The following AFAP1 variants were observed in gnomAD, a reference collection of about 807,000 sequenced individuals.
AFAP1 encodes the protein actin filament-associated protein 1.
A neutral mutation model predicts 93.9 loss-of-function variants in AFAP1; 75 were observed. That is an observed-to-expected ratio of 0.80 (90% CI 0.66 to 0.97). AFAP1 has a LOEUF of 0.97. Ranked by LOEUF, AFAP1 falls within the 50% of genes least tolerant of loss-of-function variation. AFAP1 has a pLI of 0.00. For synonymous variants in AFAP1, 517 were observed against 430.7 expected (o/e 1.20, Z -2.48); for missense variants, 1,201 against 1,050.8 (o/e 1.14, Z -1.98).
chr4:7,772,694 G>A (rs1450938273), intron 16 of AFAP1, 126 bp downstream of exon 16: 8 of 833,118 alleles, frequency 9.6e-6, no homozygotes, highest in African/African-American at 8.6e-5. Context: ...ACTGTCTTCT[G>A]CTGGGCACAC....
At position 7,843,313 on chromosome 4, in the gene AFAP1, C is replaced by T. The variant is rs151138054; in HGVS notation, c.372G>A (p.Ser124=). Residue 124 remains serine (S), a synonymous_variant, in exon 5 of 18, where the codon TCG becomes TCA. Coordinates refer to ENST00000420658, the MANE Select transcript of AFAP1 (RefSeq NM_001134647.2). The part of the protein sequence containing the change: ...DSDAMSSSYE[S]YDEEEEDGKG... Reference sequence around the variant, plus strand: ...TCCCATCCTCCTCCTCTTCATCATACGACTCATAAGAGCTGCTCATCGCAT... The same window carrying T: ...TCCCATCCTCCTCCTCTTCATCATATGACTCATAAGAGCTGCTCATCGCAT... 1.1e-5 allele frequency: 18 copies of T among 1,613,978 alleles called. No homozygotes were observed. Among genetic ancestry groups the T allele is most frequent in the Middle Eastern group, 1.7e-4 (1 of 6,058 alleles).
chr4:7,772,726 C>T (rs561139397), intron 16 of AFAP1, 94 bp downstream of exon 16: 106 of 1,216,096 alleles, frequency 8.7e-5, no homozygotes, highest in Non-Finnish European at 1.1e-4. Context: ...AAGCAAGCTA[C>T]GCCCCAGAGC....
At chr4:7,804,170 A>G (rs900424251) in intron 9 of AFAP1, among the ~76,000 whole-genome samples, 1 of 151,938 alleles carries the variant, frequency 6.6e-6, no homozygotes, top group African/African-American at 2.4e-5. Flanking sequence ...CATGTCCAGG[A>G]AAGGTTACGC....
chr4:7,793,172 T>TA (rs1560161606), intron 11 of AFAP1, among the ~76,000 whole-genome samples: 11 of 131,600 alleles, frequency 8.4e-5, no homozygotes, highest in East Asian at 5.5e-4. Context: ...ATTTTTTTTT[T>TA]TAAAAAAATC....
chr4:7,937,598 T>C (rs558324708), intron 1 of AFAP1, among the ~76,000 whole-genome samples: 4 of 152,172 alleles, frequency 2.6e-5, no homozygotes, highest in Admixed American at 1.3e-4. Context: ...GCTATTCTCC[T>C]GCCTCAGCCT....
At chr4:7,797,491 T>C (rs1186344828) in intron 10 of AFAP1, among the ~76,000 whole-genome samples, 1 of 152,186 alleles carries the variant, frequency 6.6e-6, no homozygotes, top group African/African-American at 2.4e-5. Context: ...CCCGCTATAA[T>C]TCTCTGCTGG....
intron 10 of AFAP1, chr4:7,798,940 A>C (rs1013864016): frequency 1.0e-6 from 1 of 986,778 alleles, no homozygotes; most frequent in African/African-American, 1.7e-5. Context: ...AACCCTTCTC[A>C]GATCTGCTGT....
At chr4:7,879,728 G>A (rs1052743902) in intron 1 of AFAP1, among the ~76,000 whole-genome samples, 3 of 144,100 alleles carry the variant, frequency 2.1e-5, no homozygotes, top group African/African-American at 7.9e-5. Context: ...GTGAGACAGG[G>A]TCTCTCTCTG....
intron 1 of AFAP1, among the ~76,000 whole-genome samples, chr4:7,883,207 A>AGAG (rs1411353844): frequency 1.3e-5 from 2 of 150,360 alleles, no homozygotes; most frequent in Admixed American, 1.3e-4. Flanking sequence ...AAAAAAAAAA[A>AGAG]GAGGAGGAGG....
At chr4:7,842,145 C>T (rs570837984) in intron 5 of AFAP1, among the ~76,000 whole-genome samples, 26 of 151,932 alleles carry the variant, frequency 1.7e-4, no homozygotes, top group African/African-American at 5.8e-4. Context: ...ATTTTTGGCA[C>T]ATTCTAAATC....
intron 4 of AFAP1, among the ~76,000 whole-genome samples, chr4:7,850,799 G>A (rs112158850): frequency 2.2e-4 from 33 of 152,370 alleles, no homozygotes; most frequent in African/African-American, 7.2e-4. Flanking sequence ...TCCGCATCTT[G>A]TGCGGGTCAC....
At chr4:7,875,560 A>C (rs2149190130) in intron 1 of AFAP1, among the ~76,000 whole-genome samples, 1 of 150,310 alleles carries the variant, frequency 6.7e-6, no homozygotes, top group Admixed American at 6.6e-5. Context: ...TCGAGGCTGC[A>C]GTGAGCCATG....
At position 7,822,560 on chromosome 4, in the gene AFAP1, G is replaced by A. The variant is rs183025094; in HGVS notation, c.727-3389C>T. Among the ~76,000 whole-genome samples the A allele has an allele frequency of 1.7e-4, 25 of 150,880 alleles. No homozygotes were observed. The East Asian group carries it at 4.1e-3, about 25-fold the overall frequency. On this transcript the variant is annotated intron_variant, in intron 6 of 17. Transcript: ENST00000420658. ...GCAAATGTTTTTATTCAAAAAAAAC[G>A]GTTGTCTTCTTTCTTTTTCTTTTTT...
chr4:7,909,885 C>T (rs114799548), intron 1 of AFAP1, among the ~76,000 whole-genome samples: 2,105 of 152,240 alleles, frequency 0.014, 41 homozygotes, highest in African/African-American at 0.047. Context: ...CTGTCCAAGA[C>T]GCTCTCACAC....
intron 10 of AFAP1, among the ~76,000 whole-genome samples, chr4:7,795,229 T>C (rs1460883063): frequency 1.3e-5 from 2 of 152,096 alleles, no homozygotes; most frequent in Non-Finnish European, 2.9e-5. Context: ...ACTAACCATA[T>C]ACACAATGAG....
At chr4:7,838,248 G>C (rs1487671629) in intron 6 of AFAP1, among the ~76,000 whole-genome samples, 1 of 152,136 alleles carries the variant, frequency 6.6e-6, no homozygotes, top group Non-Finnish European at 1.5e-5. Flanking sequence ...TTCATATGCA[G>C]ACACAATAAA....
At chr4:7,881,328 C>T (rs1481342185) in intron 1 of AFAP1, among the ~76,000 whole-genome samples, 1 of 152,088 alleles carries the variant, frequency 6.6e-6, no homozygotes, top group Admixed American at 6.5e-5. Flanking sequence ...CTGCCAGGCA[C>T]CCCCACATGG....
In AFAP1 at chr4:7,871,729, C is replaced by G. The variant is rs527617698; in HGVS notation, c.127+223G>C. Among the ~76,000 whole-genome samples, 307 of 152,250 alleles carry G rather than the reference C, an allele frequency of 2.0e-3. 2 individuals carry two copies. The highest frequency in any genetic ancestry group is 6.8e-3 in the Middle Eastern group (2 of 294). ...AACGCTGGGGTTGCCCTGAGGACTC[C>G]CAAAACACGATTCCATTAGCTCCTT... is the stretch of plus-strand genomic sequence containing the variant. On this transcript the variant is annotated intron_variant, in intron 2 of 17. Transcript: ENST00000420658.
intron 17 of AFAP1, among the ~76,000 whole-genome samples, chr4:7,765,251 G>C (rs749107899): frequency 6.6e-6 from 1 of 152,098 alleles, no homozygotes; most frequent in Non-Finnish European, 1.5e-5. Flanking sequence ...GCCACACTCT[G>C]GCTTTTGTAT....
Sources: gnomAD v4.1 joint callset for allele counts (sites outside exome capture counted in the v4.1 genomes callset) on GRCh38, gnomAD v4.1.1 for gene constraint, MANE v1.5 for transcripts, NCBI Gene and HGNC (gene_info 2026-07-23, HGNC 2026-07-21) for gene names.